ARMC9: variants seen among roughly 807,000 people sequenced by gnomAD.
ARMC9 encodes armadillo repeat containing 9.
A neutral mutation model predicts 107.0 loss-of-function variants in ARMC9; 94 were observed. The observed-to-expected ratio is 0.88, with a 90% CI of 0.74 to 1.04. ARMC9 has a LOEUF of 1.04. ARMC9 is among the 50% of genes least tolerant of loss of function. ARMC9 has a pLI of 0.00. For missense variants in ARMC9, 942 were observed against 1,030.1 expected (o/e 0.91, Z 1.17); for synonymous variants, 380 against 396.9 (o/e 0.96, Z 0.51).
chr2:231,356,334 AAG>A (rs1395091901), intron 22 of ARMC9, among the ~76,000 whole-genome samples: 2 of 152,236 alleles, frequency 1.3e-5, no homozygotes, highest in Non-Finnish European at 2.9e-5. Flanking sequence ...ATGTGCAACT[AAG>A]AGCACAAACA....
chr2:231,341,640 TGATAGATAGATAGATA>T (rs56256642), intron 20 of ARMC9, among the ~76,000 whole-genome samples: 3 of 140,052 alleles, frequency 2.1e-5, no homozygotes, highest in African/African-American at 3.2e-5. Context: ...GATAGATAGA[TGATAGATAGATAGATA>T]GATAGATAGA....
chr2:231,275,061 T>G (rs751813116), intron 14 of ARMC9, among the ~76,000 whole-genome samples: 4 of 152,240 alleles, frequency 2.6e-5, no homozygotes, highest in Non-Finnish European at 4.4e-5. Context: ...AATGCAAATG[T>G]TTACTGCCTG....
At chr2:231,338,658 G>GC (rs1336704367) in intron 20 of ARMC9, among the ~76,000 whole-genome samples, 1 of 148,022 alleles carries the variant, frequency 6.8e-6, no homozygotes, top group Non-Finnish European at 1.5e-5. Flanking sequence ...TCCCACCTCA[G>GC]CCCCCCAAGT....
intron 9 of ARMC9, among the ~76,000 whole-genome samples, chr2:231,243,169 C>G (rs1456815537): frequency 6.6e-6 from 1 of 152,036 alleles, no homozygotes; most frequent in Non-Finnish European, 1.5e-5. Context: ...ATGGCATGAA[C>G]CCGGGAGGCG....
chr2:231,222,069 T>G (rs920539425), intron 5 of ARMC9, among the ~76,000 whole-genome samples: 1 of 152,152 alleles, frequency 6.6e-6, no homozygotes, highest in African/African-American at 2.4e-5. Context: ...CTTCTTGGTT[T>G]GGGTGGAAGA....
In ARMC9 at chr2:231,246,974, T is replaced by A. The variant is rs74851803; in HGVS notation, c.879+6933T>A. On this transcript the variant is annotated intron_variant, in intron 9 of 24. Transcript: ENST00000611582. ...CACTTGGCTAATTTTTTTTTTTTTT[T>A]AAGACCGAGTCTCGCTCCATCACCA... Among the ~76,000 whole-genome samples, 3 of 151,712 alleles carry A rather than the reference T, an allele frequency of 2.0e-5. No individual in the cohort carries two copies. The East Asian group carries it at 5.8e-4, about 29-fold the overall frequency.
In ARMC9 at chr2:231,239,957, C is replaced by T. The variant is rs372815655; in HGVS notation, c.795C>T (p.Tyr265=). 5.6e-6 allele frequency: 9 copies of T among 1,613,930 alleles called. No individual in the cohort carries two copies. Among genetic ancestry groups the T allele is most frequent in the Middle Eastern group, 1.6e-4 (1 of 6,082 alleles). Residue 265 remains tyrosine, a synonymous_variant, in exon 9 of 25, where the codon TAC becomes TAT. Coordinates refer to ENST00000611582, the MANE Select transcript of ARMC9 (RefSeq NM_001352754.2). ...TVSGKMITPE[Y]LQSVCVRLFS... ...CCTCCTTGCAGATCACCCCTGAGTA[C>T]CTCCAGAGCGTCTGTGTCCGCCTGT...
At chr2:231,249,788 A>G (rs1008031533) in intron 9 of ARMC9, among the ~76,000 whole-genome samples, 5 of 151,874 alleles carry the variant, frequency 3.3e-5, no homozygotes, top group African/African-American at 9.7e-5. Context: ...ACATCTTCAG[A>G]TGGGAGCATA....
At chr2:231,286,410 C>T (rs1041913689) in intron 17 of ARMC9, among the ~76,000 whole-genome samples, 3 of 152,162 alleles carry the variant, frequency 2.0e-5, no homozygotes, top group South Asian at 2.1e-4. Flanking sequence ...CCACCGCGCC[C>T]GGTGCCTGCT....
chr2:231,321,996 G>A (rs937294562), intron 19 of ARMC9, among the ~76,000 whole-genome samples: 46 of 152,340 alleles, frequency 3.0e-4, no homozygotes, highest in African/African-American at 1.1e-3. Flanking sequence ...TAAACTGAGC[G>A]GCGAAAGCAA....
chr2:231,330,231 T>TTC lies in ARMC9; in HGVS notation c.1774-1561_1774-1560insCT, dbSNP rs1216349133. Among the ~76,000 whole-genome samples, 46 of 52,458 alleles carry TTC rather than the reference T, an allele frequency of 8.8e-4. No homozygotes were observed. The South Asian group carries it at 0.019, about 21-fold the overall frequency. The allele number at this position is 52,458 out of a possible 152,430, so 34.4% of individuals were successfully genotyped here. A position where few individuals can be genotyped will look rare whatever the true frequency, so the allele number is the denominator to read the frequency against. ...CGTGTTCAATTTTCTTTTTCTTTCT[T>TTC]TTTTTTTTTTTTTTGAGACGGAATC... On this transcript the variant is annotated intron_variant, in intron 19 of 24. Coordinates refer to ENST00000611582, the MANE Select transcript of ARMC9 (RefSeq NM_001352754.2).
intron 22 of ARMC9, among the ~76,000 whole-genome samples, chr2:231,357,600 G>A (rs2045396829): frequency 6.6e-6 from 1 of 151,918 alleles, no homozygotes; most frequent in Non-Finnish European, 1.5e-5. Context: ...TTTATTTTGA[G>A]ACAAGGTCTC....
chr2:231,207,425 G>A (rs539661487), intron 2 of ARMC9, among the ~76,000 whole-genome samples: 1 of 151,930 alleles, frequency 6.6e-6, no homozygotes, highest in South Asian at 2.1e-4. Context: ...CTCCCAAAGT[G>A]TTGGGATTAC....
intron 20 of ARMC9, among the ~76,000 whole-genome samples, chr2:231,336,752 T>C (rs1440522411): frequency 3.3e-5 from 5 of 152,246 alleles, no homozygotes; most frequent in Non-Finnish European, 5.9e-5. Flanking sequence ...TCTGAGGCTG[T>C]GGCAGTGCCC....
chr2:231,355,165 C>T (rs1157574590), intron 21 of ARMC9, among the ~76,000 whole-genome samples: 1 of 152,066 alleles, frequency 6.6e-6, no homozygotes, highest in Non-Finnish European at 1.5e-5. Context: ...ATGGAGAGAC[C>T]TTGTCTCTAC....
intron 19 of ARMC9, among the ~76,000 whole-genome samples, chr2:231,309,700 C>CAA (rs2042229753): frequency 6.6e-6 from 1 of 151,760 alleles, no homozygotes; most frequent in African/African-American, 2.4e-5. Context: ...GACAACAGGC[C>CAA]ATATACCACT....
chr2:231,263,220 T>C (rs886444475), intron 12 of ARMC9, among the ~76,000 whole-genome samples: 15 of 152,364 alleles, frequency 9.8e-5, no homozygotes, highest in African/African-American at 3.6e-4. Flanking sequence ...ACGTGTGCAC[T>C]GAGTGGAGTA....
intron 19 of ARMC9, among the ~76,000 whole-genome samples, chr2:231,308,399 G>A (rs917547281): frequency 6.6e-6 from 1 of 152,206 alleles, no homozygotes; most frequent in Non-Finnish European, 1.5e-5. Context: ...CCAGGCTGGC[G>A]TGAGAGCCTG....
chr2:231,349,715 A>T (rs1466938669), intron 21 of ARMC9, among the ~76,000 whole-genome samples: 1 of 152,104 alleles, frequency 6.6e-6, no homozygotes, highest in Non-Finnish European at 1.5e-5. Context: ...TGGGAGACGG[A>T]GGTTGCAGTG....
Sources: gnomAD v4.1 joint callset for allele counts (sites outside exome capture counted in the v4.1 genomes callset) on GRCh38, gnomAD v4.1.1 for gene constraint, MANE v1.5 for transcripts, NCBI Gene and HGNC (gene_info 2026-07-23, HGNC 2026-07-21) for gene names.